The following ENPP3 variants were observed in gnomAD, a reference collection of about 807,000 sequenced individuals.
ENPP3 encodes the protein ectonucleotide pyrophosphatase/phosphodiesterase 3, also known as ectonucleotide pyrophosphatase/phosphodiesterase family member 3.
In ENPP3, 104 loss-of-function variants were observed where a neutral mutation model predicts 117.8. That is an observed-to-expected ratio of 0.88 (90% confidence interval 0.75 to 1.04). The LOEUF (loss-of-function observed/expected upper bound fraction) is 1.04. Ranked by LOEUF, ENPP3 falls within the 50% of genes least tolerant of loss-of-function variation. The pLI is 0.00. For synonymous variants in ENPP3, 380 were observed against 349.9 expected, an observed-to-expected ratio of 1.09 and a Z score of -0.96; for missense variants, 1,026 against 1,051.9, an observed-to-expected ratio of 0.98 and a Z score of 0.34.
At chr6:131,643,698 C>T (rs1562423888) in intron 2 of ENPP3, among the ~76,000 whole-genome samples, 2 of 152,120 alleles carry the variant, frequency 1.3e-5, no homozygotes, top group Non-Finnish European at 2.9e-5. Flanking sequence ...CATGTTCTTA[C>T]AGATTTACCG....
chr6:131,648,956 C>T lies in ENPP3; in HGVS notation c.155-1071C>T, dbSNP rs138253218. Among the ~76,000 whole-genome samples, 21 of 152,314 alleles carry T rather than the reference C, an allele frequency of 1.4e-4. No homozygotes were observed. The East Asian group carries it at 3.9e-3, about 28-fold the overall frequency. ...TCAGACTCAAATATTCAGACCCCCT[C>T]CTAAATATGTATTTGCTTAGATATA... On this transcript the variant is annotated intron_variant, in intron 2 of 24. Transcript: ENST00000357639.
At chr6:131,659,089 A>G (rs563220766) in intron 6 of ENPP3, among the ~76,000 whole-genome samples, 1 of 152,320 alleles carries the variant, frequency 6.6e-6, no homozygotes, top group South Asian at 2.1e-4. Flanking sequence ...TATCAACTTT[A>G]TTATAATGTT....
At chr6:131,648,961 A>C (rs946553466) in intron 2 of ENPP3, among the ~76,000 whole-genome samples, 2 of 152,072 alleles carry the variant, frequency 1.3e-5, no homozygotes, top group African/African-American at 4.8e-5. Context: ...CCCCTCCTAA[A>C]TATGTATTTG....
intron 15 of ENPP3, among the ~76,000 whole-genome samples, chr6:131,698,819 T>C (rs1476031045): frequency 4.7e-5 from 2 of 42,522 alleles, no homozygotes; most frequent in East Asian, 7.7e-4. Flanking sequence ...TATAAAAATA[T>C]AATATGGTAT....
intron 15 of ENPP3, among the ~76,000 whole-genome samples, chr6:131,697,362 C>T (rs1779430191): frequency 7.0e-6 from 1 of 142,068 alleles, no homozygotes; most frequent in South Asian, 2.2e-4. Flanking sequence ...GATGGTCTAG[C>T]GCAGTGGTCC....
At chr6:131,668,268 A>G (rs1778662470) in intron 6 of ENPP3, among the ~76,000 whole-genome samples, 1 of 130,648 alleles carries the variant, frequency 7.7e-6, no homozygotes, top group African/African-American at 3.1e-5. Flanking sequence ...GCTGGAGCAC[A>G]GTGGCACGAT....
intron 1 of ENPP3, chr6:131,638,378 C>A: frequency 3.2e-6 from 1 of 314,812 alleles, no homozygotes; most frequent in Non-Finnish European, 6.2e-6. Context: ...TTCACTAAAC[C>A]CTATCTAAGA....
intron 24 of ENPP3, among the ~76,000 whole-genome samples, chr6:131,746,060 C>T (rs533657273): frequency 4.0e-5 from 6 of 151,828 alleles, no homozygotes; most frequent in East Asian, 1.9e-4. Context: ...CACCATTGCA[C>T]TCCAGCCTGG....
At chr6:131,720,202 T>A (rs573292302) in intron 16 of ENPP3, 90 bp from the exon 17 acceptor site, 17 of 687,130 alleles carry the variant, frequency 2.5e-5, no homozygotes, top group South Asian at 4.4e-5. Flanking sequence ...AATAGGAGAG[T>A]AGTTACAGAA....
chr6:131,652,908 C>A lies in ENPP3; in HGVS notation c.464+17C>A. The A allele has an allele frequency of 6.3e-7, 1 of 1,578,094 alleles. No individual in the cohort carries two copies. The highest frequency in any genetic ancestry group is 1.3e-5 in the African/African-American group (1 of 74,208). ...CCCAGAAGGGTGAGCATGACTGATA[C>A]AGGGATTTTTATCCTCCTTTAACAA... On this transcript the variant is annotated intron_variant, in intron 5 of 24. Transcript: ENST00000357639.
chr6:131,660,548 GA>G (rs1308968889), intron 6 of ENPP3, among the ~76,000 whole-genome samples: 3 of 152,212 alleles, frequency 2.0e-5, no homozygotes, highest in African/African-American at 7.2e-5. Context: ...CAGCCTTCCT[GA>G]AAAGTTAGAT....
intron 20 of ENPP3, among the ~76,000 whole-genome samples, chr6:131,730,366 C>T (rs960863105): frequency 1.3e-5 from 2 of 152,186 alleles, no homozygotes; most frequent in African/African-American, 4.8e-5. Flanking sequence ...ATGCTTTTAG[C>T]TTTCCAGACT....
intron 5 of ENPP3, among the ~76,000 whole-genome samples, chr6:131,654,348 C>T (rs550414009): frequency 3.8e-4 from 58 of 151,446 alleles, no homozygotes; most frequent in African/African-American, 1.4e-3. Context: ...ACTATGTTGC[C>T]CAGACTGGAC....
intron 15 of ENPP3, among the ~76,000 whole-genome samples, chr6:131,696,888 G>A (rs993286894): frequency 1.3e-5 from 2 of 151,112 alleles, no homozygotes; most frequent in Non-Finnish European, 2.9e-5. Flanking sequence ...TCCTGCCTCA[G>A]CCTCCTGAGT....
At chr6:131,660,417 C>T (rs1164227666) in intron 6 of ENPP3, among the ~76,000 whole-genome samples, 1 of 152,196 alleles carries the variant, frequency 6.6e-6, no homozygotes. Flanking sequence ...CTCTGAATCA[C>T]ACTCTAATGA....
chr6:131,657,978 C>G (rs548312842), intron 5 of ENPP3, among the ~76,000 whole-genome samples: 30 of 151,896 alleles, frequency 2.0e-4, no homozygotes, highest in African/African-American at 5.5e-4. Context: ...GCCTGGCCAA[C>G]GTGGTAAAAC....
intron 11 of ENPP3, 151 bp downstream of exon 11, chr6:131,678,091 A>T (rs1028697367): frequency 7.9e-6 from 4 of 509,410 alleles, no homozygotes; most frequent in African/African-American, 5.8e-5. Flanking sequence ...TATAAAAGGG[A>T]TGCCATGGTT....
intron 14 of ENPP3, among the ~76,000 whole-genome samples, chr6:131,687,744 A>AAAAAT (rs1438563611): frequency 6.6e-6 from 1 of 152,244 alleles, no homozygotes; most frequent in Non-Finnish European, 1.5e-5. Flanking sequence ...AAACATGTTA[A>AAAAAT]AAAATACTCA....
At chr6:131,690,166 C>A (rs184616466) in intron 14 of ENPP3, among the ~76,000 whole-genome samples, 1 of 152,280 alleles carries the variant, frequency 6.6e-6, no homozygotes, top group East Asian at 1.9e-4. Context: ...AAAGCAGCAG[C>A]TTTGAGAGGA....
Sources: allele counts gnomAD v4.1 joint callset (sites outside exome capture counted in the v4.1 genomes callset), GRCh38; gene constraint gnomAD v4.1.1; transcripts MANE v1.5; gene names NCBI Gene and HGNC (gene_info 2026-07-23, HGNC 2026-07-21).